The following ACVR2B variants were observed in gnomAD, a reference collection of about 807,000 sequenced individuals.
The protein encoded by ACVR2B is activin A receptor type 2B, also known as activin receptor type-2B.
ACVR2B carries 18 observed loss-of-function variants against 65.1 expected under a neutral mutation model. That is an observed-to-expected ratio of 0.28 (90% CI 0.19 to 0.41). The LOEUF is 0.41. Among genes scored for constraint, ACVR2B ranks in the 10% least tolerant of loss-of-function variants. The pLI is 1.00. For missense variants in ACVR2B, 482 were observed against 682.7 expected (o/e 0.71, Z 3.28); for synonymous variants, 298 against 277.7 (o/e 1.07, Z -0.73).
intron 1 of ACVR2B, among the ~76,000 whole-genome samples, chr3:38,468,542 A>G (rs1363406449): frequency 1.3e-5 from 2 of 152,200 alleles, no homozygotes; most frequent in Admixed American, 6.5e-5. Context: ...GAGAGGGGCA[A>G]CCATGATGAG....
Position 38,477,596 on chromosome 3 carries a change from C to T in ACVR2B, c.260+102C>T, listed in dbSNP as rs565714119. The T allele has an allele frequency of 7.6e-4, 1,026 of 1,347,674 alleles. 12 individuals are homozygous for T. The South Asian group carries it at 0.012, about 16-fold the overall frequency. 83.5% of individuals were successfully genotyped at this position (1,347,674 alleles called of 1,614,324 possible). On this transcript the variant is annotated intron_variant, in intron 2 of 10. Transcript: ENST00000352511. This position sits in a 1 kb window ranked among gnomAD's most constrained non-coding sequence, Gnocchi z 6.7. ...GATGTCTGAGTGGGAGATAAAGGACCAAGAAGGGGCTCTTGAGATGGTAGC... is the reference window on the plus strand; with the variant it reads ...GATGTCTGAGTGGGAGATAAAGGACTAAGAAGGGGCTCTTGAGATGGTAGC...
chr3:38,458,351 ATGTGTGCATGTG>A (rs769745862), intron 1 of ACVR2B, among the ~76,000 whole-genome samples: 1 of 152,168 alleles, frequency 6.6e-6, no homozygotes, highest in Non-Finnish European at 1.5e-5. Context: ...AAATCGGTAT[ATGTGTGCATGTG>A]TGTGTACATT....
At position 38,454,291 on chromosome 3, in the gene ACVR2B, C is replaced by T; in HGVS notation, c.-32C>T. The stretch of plus-strand genomic sequence containing the variant: ...AGCGCCGTGCGGCCCTGCCCGCGGG[C>T]TCCGGGTGTGCGCGGGGCGGCGCCG... On this transcript the variant is annotated 5_prime_UTR_variant, in exon 1 of 11. Coordinates refer to ENST00000352511, the MANE Select transcript of ACVR2B (RefSeq NM_001106.4). 2 of 1,255,104 alleles carry T rather than the reference C, an allele frequency of 1.6e-6. No individual in the cohort carries two copies. The highest frequency in any genetic ancestry group is 2.0e-6 in the Non-Finnish European group (2 of 1,001,870). 77.7% of individuals were successfully genotyped at this position (1,255,104 alleles called of 1,614,324 possible).
At position 38,482,251 on chromosome 3, in the gene ACVR2B, C is replaced by T. The variant is rs745334215; in HGVS notation, c.1128C>T (p.Phe376=). 6.2e-7 allele frequency: 1 copy of T among 1,613,424 alleles called. No individual in the cohort carries two copies. Among genetic ancestry groups the T allele is most frequent in the Non-Finnish European group, 8.5e-7 (1 of 1,179,926 alleles). The change falls in exon 9 of 11, where the codon TTC becomes TTT. Residue 376 remains phenylalanine (F), a synonymous_variant. Coordinates refer to ENST00000352511, the MANE Select transcript of ACVR2B (RefSeq NM_001106.4). ...AGGTGCTCGAGGGAGCCATCAACTT[C>T]CAGAGAGATGCCTTCCTGCGCATTG... The part of the protein sequence containing the change: ...APEVLEGAIN[F]QRDAFLRIDM...
At position 38,488,620 on chromosome 3, in the gene ACVR2B, T is replaced by G. The variant is rs1031417496; in HGVS notation, c.*5288T>G. On this transcript the variant is annotated 3_prime_UTR_variant, in exon 11 of 11. Transcript: ENST00000352511. ...ACCATTATTTAAATTATTACCAAGT[T>G]TTTACATTTTCATGATGGTATTTTC... is the stretch of plus-strand genomic sequence containing the variant. 2.6e-5 allele frequency: 4 copies of G among 152,198 alleles called. No individual in the cohort carries two copies. The highest frequency in any genetic ancestry group is 9.6e-5 in the African/African-American group (4 of 41,454). 9.4% of individuals were successfully genotyped at this position (152,198 alleles called of 1,614,324 possible). A position where few individuals can be genotyped will look rare whatever the true frequency, so the allele number is the denominator to read the frequency against.
In ACVR2B at chr3:38,478,242, T is replaced by C. The variant is rs1319639502; in HGVS notation, c.472T>C (p.Trp158Arg). The change falls in exon 4 of 11, where the codon TGG becomes CGG. Residue 158 changes from tryptophan to arginine, a missense_variant. Transcript: ENST00000352511. Reference protein sequence around the residue: ...GLSLIVLLAFWMYRHRKPPYG... With the variant: ...GLSLIVLLAFRMYRHRKPPYG... ...TTCCCTCATCGTCCTGCTGGCCTTT[T>C]GGATGTACCGGCATCGCAAGCCCCC... is the stretch of plus-strand genomic sequence containing the variant. 6.2e-7 allele frequency: 1 copy of C among 1,614,104 alleles called. No homozygotes were observed. Among genetic ancestry groups the C allele is most frequent in the East Asian group, 2.2e-5 (1 of 44,864 alleles).
At chr3:38,455,747 G>C (rs1344383936) in intron 1 of ACVR2B, among the ~76,000 whole-genome samples, 1 of 152,206 alleles carries the variant, frequency 6.6e-6, no homozygotes, top group Non-Finnish European at 1.5e-5. Context: ...GCGAAGTGGT[G>C]GTCGTGTTGG....
At chr3:38,455,159 A>C (rs1190657524) in intron 1 of ACVR2B, among the ~76,000 whole-genome samples, 1 of 151,964 alleles carries the variant, frequency 6.6e-6, no homozygotes, top group African/African-American at 2.4e-5. Flanking sequence ...GTTTGGGGGT[A>C]TGTGGGCGCG....
chr3:38,488,435 C>T lies in ACVR2B; in HGVS notation c.*5103C>T, dbSNP rs1261775135. 1.3e-5 allele frequency: 2 copies of T among 152,144 alleles called. No homozygotes were observed. The highest frequency in any genetic ancestry group is 6.5e-5 in the Admixed American group (1 of 15,282). 9.4% of individuals were successfully genotyped at this position (152,144 alleles called of 1,614,324 possible). A position where few individuals can be genotyped will look rare whatever the true frequency, so the allele number is the denominator to read the frequency against. Reference sequence around the variant, plus strand: ...AAAAACACCCCCTTGAAAATTAATTCGGTTGACCCAGTAACATTTTTTAAA... The same window carrying T: ...AAAAACACCCCCTTGAAAATTAATTTGGTTGACCCAGTAACATTTTTTAAA... On this transcript the variant is annotated 3_prime_UTR_variant, in exon 11 of 11. Coordinates refer to ENST00000352511, the MANE Select transcript of ACVR2B (RefSeq NM_001106.4).
chr3:38,477,858 C>T lies in ACVR2B; in HGVS notation c.261-3C>T. On this transcript the variant is annotated splice_polypyrimidine_tract_variant and splice_region_variant and intron_variant, in intron 2 of 10. Transcript: ENST00000352511. This position sits in a 1 kb window ranked among gnomAD's most constrained non-coding sequence, Gnocchi z 6.7. The stretch of plus-strand genomic sequence containing the variant: ...GGGTATATGGAAAATTCTGTGCCTC[C>T]AGGCAGGAGTGTGTGGCCACTGAGG... 1 of 1,614,006 alleles carries T rather than the reference C, an allele frequency of 6.2e-7. No homozygotes were observed. Among genetic ancestry groups the T allele is most frequent in the Non-Finnish European group, 8.5e-7 (1 of 1,179,922 alleles).
At position 38,477,013 on chromosome 3, in the gene ACVR2B, T is replaced by G; in HGVS notation, c.53-274T>G. ...CTGTTTATCCATCCTTCTGTGGCAT[T>G]AGGTTTCCTGCCTCCTCCCTTTTGC... On this transcript the variant is annotated intron_variant, in intron 1 of 10. Coordinates refer to ENST00000352511, the MANE Select transcript of ACVR2B (RefSeq NM_001106.4). The surrounding 1 kb of genome is among the most constrained non-coding windows in gnomAD (Gnocchi z 6.7). 5.4e-6 allele frequency: 3 copies of G among 557,144 alleles called. No individual in the cohort carries two copies. Among genetic ancestry groups the G allele is most frequent in the Middle Eastern group, 4.8e-4 (1 of 2,084 alleles). The allele number at this position is 557,144 out of a possible 1,614,324, so 34.5% of individuals were successfully genotyped here.
In ACVR2B at chr3:38,477,943, C is replaced by T. The variant is rs2125722719; in HGVS notation, c.343C>T (p.His115Tyr). Residue 115 changes from histidine to tyrosine, a missense_variant, in exon 3 of 11, where the codon CAT (histidine) becomes TAT (tyrosine). His to Tyr is a moderately conservative substitution (Grantham distance 83, BLOSUM62 2). This residue lies in a region of ACVR2B where 85 missense variants were observed against 137.3 expected (regional missense o/e 0.62). Coordinates refer to ENST00000352511, the MANE Select transcript of ACVR2B (RefSeq NM_001106.4). This position sits in a 1 kb window ranked among gnomAD's most constrained non-coding sequence, Gnocchi z 6.7. Reference protein sequence around the residue: ...EGNFCNERFTHLPEAGGPEVT... With the variant: ...EGNFCNERFTYLPEAGGPEVT... ...CAACTTCTGCAACGAACGCTTCACT[C>T]ATTTGCCAGAGGCTGGGGGCCCGGA... 6.2e-7 allele frequency: 1 copy of T among 1,614,058 alleles called. No individual in the cohort carries two copies. Among genetic ancestry groups the T allele is most frequent in the East Asian group, 2.2e-5 (1 of 44,870 alleles).
intron 7 of ACVR2B, among the ~76,000 whole-genome samples, chr3:38,480,594 C>T (rs1345239260): frequency 6.6e-6 from 1 of 152,170 alleles, no homozygotes; most frequent in African/African-American, 2.4e-5. Flanking sequence ...GGGGAATGAA[C>T]CTCAAATTCC....
Position 38,478,369 on chromosome 3 carries a change from C to T in ACVR2B, c.523-6C>T. On this transcript the variant is annotated splice_polypyrimidine_tract_variant and splice_region_variant and intron_variant, in intron 4 of 10. Transcript: ENST00000352511. Reference sequence around the variant, plus strand: ...CCAGACCTTTTTAAGCCTTGCTCTCCCCCAGGACCCTGGGCCTCCACCACC... The same window carrying T: ...CCAGACCTTTTTAAGCCTTGCTCTCTCCCAGGACCCTGGGCCTCCACCACC... 1.2e-6 allele frequency: 2 copies of T among 1,614,050 alleles called. No individual in the cohort carries two copies. The highest frequency in any genetic ancestry group is 1.7e-6 in the Non-Finnish European group (2 of 1,179,986).
intron 1 of ACVR2B, among the ~76,000 whole-genome samples, chr3:38,464,326 G>C (rs1709695823): frequency 1.3e-5 from 2 of 152,232 alleles, no homozygotes; most frequent in African/African-American, 4.8e-5. Context: ...TAATTTCCGT[G>C]TATGTGTGCA....
chr3:38,472,183 C>G (rs1709829550), intron 1 of ACVR2B, among the ~76,000 whole-genome samples: 1 of 152,150 alleles, frequency 6.6e-6, no homozygotes, highest in Non-Finnish European at 1.5e-5. Flanking sequence ...CCCCAGCTGC[C>G]CTTACTCTGC....
At chr3:38,466,722 C>T (rs1709735411) in intron 1 of ACVR2B, among the ~76,000 whole-genome samples, 1 of 152,060 alleles carries the variant, frequency 6.6e-6, no homozygotes, top group Admixed American at 6.5e-5. Context: ...TCAGGCTGGT[C>T]TTGAACTCCT....
rs753428857 is a variant in ACVR2B, at chr3:38,477,360, C to T, written c.126C>T (p.Asn42=). The T allele has an allele frequency of 1.2e-6, 2 of 1,614,170 alleles. No homozygotes were observed. Among genetic ancestry groups the T allele is most frequent in the South Asian group, 2.2e-5 (2 of 91,086 alleles). The change falls in exon 2 of 11, where the codon AAC becomes AAT. Residue 42 remains asparagine (N), a synonymous_variant. Transcript: ENST00000352511. The surrounding 1 kb of genome is among the most constrained non-coding windows in gnomAD (Gnocchi z 6.7). ...CCAACTGGGAGCTGGAGCGCACCAA[C>T]CAGAGCGGCCTGGAGCGCTGCGAAG... The part of the protein sequence containing the change: ...YNANWELERT[N]QSGLERCEGE...
At chr3:38,458,144 C>T (rs1709581368) in intron 1 of ACVR2B, among the ~76,000 whole-genome samples, 1 of 152,166 alleles carries the variant, frequency 6.6e-6, no homozygotes. Context: ...GGGTGGGCCT[C>T]TACTGTGTAC....
Sources: gnomAD v4.1 joint callset for allele counts (sites outside exome capture counted in the v4.1 genomes callset) on GRCh38, gnomAD v4.1.1 for gene constraint, gnomAD v4.1.1 regional missense constraint, Gnocchi (gnomAD v3.1) non-coding constraint, MANE v1.5 for transcripts, NCBI Gene and HGNC (gene_info 2026-07-23, HGNC 2026-07-21) for gene names.